Variants in RAB8B observed in about 807,000 individuals in gnomAD.
RAB8B encodes the protein RAB8B, member RAS oncogene family, also known as ras-related protein Rab-8B.
RAB8B carries 11 observed loss-of-function variants against 32.0 expected under a neutral mutation model. That is an observed-to-expected ratio of 0.34 (90% CI 0.22 to 0.57). The LOEUF (loss-of-function observed/expected upper bound fraction) is 0.57. Ranked by LOEUF, RAB8B falls within the 20% of genes least tolerant of loss-of-function variation. RAB8B has a pLI of 0.86. For synonymous variants in RAB8B, 103 were observed against 89.6 expected, an observed-to-expected ratio of 1.15 and a Z score of -0.85; for missense variants, 190 against 258.5, an observed-to-expected ratio of 0.73 and a Z score of 1.82.
At chr15:63,239,410 G>GT (rs71131153) in intron 1 of RAB8B, among the ~76,000 whole-genome samples, 6,257 of 120,850 alleles carry the variant, frequency 0.052, 211 homozygotes, top group Middle Eastern at 0.081. Context: ...AATTTCCGAA[G>GT]TTTTTTTTTT....
intron 1 of RAB8B, among the ~76,000 whole-genome samples, chr15:63,197,361 C>CTTTTT (rs1465805419): frequency 1.1e-5 from 1 of 93,182 alleles, no homozygotes; most frequent in African/African-American, 4.2e-5. Flanking sequence ...TTCTTTCTTT[C>CTTTTT]TTTCTTTTCT....
intron 1 of RAB8B, among the ~76,000 whole-genome samples, chr15:63,213,099 C>T (rs950812761): frequency 6.6e-6 from 1 of 152,176 alleles, no homozygotes; most frequent in Non-Finnish European, 1.5e-5. Context: ...AAAAGGAACT[C>T]TCTAGGTTCT....
At chr15:63,221,230 T>G (rs2037841757) in intron 1 of RAB8B, among the ~76,000 whole-genome samples, 1 of 152,172 alleles carries the variant, frequency 6.6e-6, no homozygotes, top group Admixed American at 6.5e-5. Flanking sequence ...AAAAATAATG[T>G]TGGATATGTT....
In RAB8B at chr15:63,266,864, C is replaced by A. The variant is rs532154385; in HGVS notation, c.*3245C>A. ...AGTTTTTCCTGTGATCAGTAAGTGA[C>A]ACATTTAAGCAGACATTCTTTTCAA... On this transcript the variant is annotated 3_prime_UTR_variant, in exon 8 of 8. Coordinates refer to ENST00000321437, the MANE Select transcript of RAB8B (RefSeq NM_016530.3). 6.6e-6 allele frequency: 1 copy of A among 152,668 alleles called. No homozygotes were observed. Among genetic ancestry groups the A allele is most frequent in the South Asian group, 2.1e-4 (1 of 4,832 alleles). 9.5% of individuals were successfully genotyped at this position (152,668 alleles called of 1,614,324 possible).
chr15:63,215,164 C>T (rs2141118321), intron 1 of RAB8B, among the ~76,000 whole-genome samples: 1 of 152,336 alleles, frequency 6.6e-6, no homozygotes, highest in African/African-American at 2.4e-5. Flanking sequence ...CCCTCATACC[C>T]ATCCTTTCTC....
At chr15:63,216,464 A>G (rs1454693183) in intron 1 of RAB8B, among the ~76,000 whole-genome samples, 1 of 151,616 alleles carries the variant, frequency 6.6e-6, no homozygotes, top group Non-Finnish European at 1.5e-5. Context: ...CGTGAGCTCG[A>G]GCAGTCCACC....
intron 1 of RAB8B, among the ~76,000 whole-genome samples, chr15:63,237,601 C>T (rs1214292820): frequency 1.3e-5 from 2 of 152,062 alleles, no homozygotes; most frequent in African/African-American, 4.8e-5. Context: ...TCCTGTAGAG[C>T]TGTTTGAGCT....
chr15:63,219,850 G>A (rs1429081750), intron 1 of RAB8B, among the ~76,000 whole-genome samples: 2 of 152,144 alleles, frequency 1.3e-5, no homozygotes, highest in Admixed American at 6.5e-5. Context: ...GTTTTTGAGA[G>A]GGTCTCTTGG....
chr15:63,229,261 T>C (rs1393839794), intron 1 of RAB8B, among the ~76,000 whole-genome samples: 1 of 152,206 alleles, frequency 6.6e-6, no homozygotes, highest in Non-Finnish European at 1.5e-5. Flanking sequence ...AAGACATATC[T>C]TTTGGTTGCT....
intron 1 of RAB8B, among the ~76,000 whole-genome samples, chr15:63,208,405 G>A (rs538837538): frequency 6.6e-6 from 1 of 152,088 alleles, no homozygotes; most frequent in African/African-American, 2.4e-5. Flanking sequence ...AGTAATAGAT[G>A]GTCATTATCT....
At chr15:63,220,287 T>C (rs2141121361) in intron 1 of RAB8B, among the ~76,000 whole-genome samples, 1 of 152,366 alleles carries the variant, frequency 6.6e-6, no homozygotes, top group Admixed American at 6.5e-5. Context: ...CTTTTCTTCA[T>C]TCTAAAATGA....
At position 63,267,591 on chromosome 15, in the gene RAB8B, A is replaced by G. The variant is rs965017823; in HGVS notation, c.*3972A>G. On this transcript the variant is annotated 3_prime_UTR_variant, in exon 8 of 8. Transcript: ENST00000321437. ...TTAAACATATTTTATTTTTGCTCCAATGGCTTAATGTGAAAAGCTCCTGCA... is the reference window on the plus strand; with the variant it reads ...TTAAACATATTTTATTTTTGCTCCAGTGGCTTAATGTGAAAAGCTCCTGCA... 8 of 152,164 alleles carry G rather than the reference A, an allele frequency of 5.3e-5. No homozygotes were observed. Among genetic ancestry groups the G allele is most frequent in the Non-Finnish European group, 1.2e-4 (8 of 68,024 alleles). 9.4% of individuals were successfully genotyped at this position (152,164 alleles called of 1,614,324 possible).
chr15:63,245,220 G>A (rs753075677), intron 2 of RAB8B, among the ~76,000 whole-genome samples: 1 of 152,226 alleles, frequency 6.6e-6, no homozygotes, highest in Non-Finnish European at 1.5e-5. Flanking sequence ...TCCAAATTGA[G>A]GGCTTTGGGC....
intron 1 of RAB8B, among the ~76,000 whole-genome samples, chr15:63,226,769 C>T (rs1036864698): frequency 2.6e-5 from 4 of 152,052 alleles, no homozygotes; most frequent in Admixed American, 1.3e-4. Flanking sequence ...GAATTCAGGG[C>T]GGGTCTGCAG....
At position 63,194,067 on chromosome 15, in the gene RAB8B, T is replaced by A. The variant is rs146687658; in HGVS notation, c.124+4319T>A. ...CAATCAGAGCTTCTTCCCTTTGCCGTCTCTCTGCTGCCCTGCCCCCTTCTT... is the reference window on the plus strand; with the variant it reads ...CAATCAGAGCTTCTTCCCTTTGCCGACTCTCTGCTGCCCTGCCCCCTTCTT... On this transcript the variant is annotated intron_variant, in intron 1 of 7. Coordinates refer to ENST00000321437, the MANE Select transcript of RAB8B (RefSeq NM_016530.3). 2.8e-3 allele frequency among the ~76,000 whole-genome samples: 427 copies of A among 152,298 alleles called. 3 individuals carry two copies. Among genetic ancestry groups the A allele is most frequent in the African/African-American group, 9.1e-3 (378 of 41,558 alleles).
intron 3 of RAB8B, among the ~76,000 whole-genome samples, chr15:63,252,566 A>G (rs1411240554): frequency 6.7e-6 from 1 of 149,654 alleles, no homozygotes; most frequent in Non-Finnish European, 1.5e-5. Context: ...GGTTGTTCAT[A>G]CAGTCCAAAG....
At chr15:63,245,851 A>C (rs997962138) in intron 2 of RAB8B, among the ~76,000 whole-genome samples, 1 of 152,246 alleles carries the variant, frequency 6.6e-6, no homozygotes, top group African/African-American at 2.4e-5. Flanking sequence ...CATGAAGCTG[A>C]ATATAACTTT....
chr15:63,206,073 CT>C (rs1428924067), intron 1 of RAB8B, among the ~76,000 whole-genome samples: 2 of 152,210 alleles, frequency 1.3e-5, no homozygotes, highest in Non-Finnish European at 2.9e-5. Flanking sequence ...GTATTTCCTT[CT>C]GAGGAATGAC....
intron 1 of RAB8B, among the ~76,000 whole-genome samples, chr15:63,220,828 C>CT (rs921974525): frequency 1.3e-5 from 2 of 151,822 alleles, no homozygotes; most frequent in Non-Finnish European, 2.9e-5. Context: ...GAGGCTCCTG[C>CT]TTTTTTTTAA....
Sources: gnomAD v4.1 joint callset for allele counts (sites outside exome capture counted in the v4.1 genomes callset) on GRCh38, gnomAD v4.1.1 for gene constraint, MANE v1.5 for transcripts, NCBI Gene and HGNC (gene_info 2026-07-23, HGNC 2026-07-21) for gene names.